Variants in HTR2A observed in about 807,000 individuals in gnomAD.
The protein encoded by HTR2A is 5-hydroxytryptamine receptor 2A, also known as 5-HT2 receptor.
A neutral mutation model predicts 31.0 loss-of-function variants in HTR2A; 14 were observed. That is an observed-to-expected ratio of 0.45 (90% CI 0.30 to 0.71). The LOEUF (loss-of-function observed/expected upper bound fraction) is 0.71, where lower values mean the gene tolerates loss of function less well. HTR2A is among the 30% of genes least tolerant of loss of function. HTR2A has a pLI of 0.09. For missense variants in HTR2A, 442 were observed against 573.3 expected, an observed-to-expected ratio of 0.77 and a Z score of 2.34; for synonymous variants, 209 against 225.2, an observed-to-expected ratio of 0.93 and a Z score of 0.64.
intron 3 of HTR2A, among the ~76,000 whole-genome samples, chr13:46,877,945 T>G (rs1257949467): frequency 6.6e-6 from 1 of 151,962 alleles, no homozygotes; most frequent in Non-Finnish European, 1.5e-5. Flanking sequence ...GATGGGAAAT[T>G]TATTGCAGCT....
intron 3 of HTR2A, among the ~76,000 whole-genome samples, 176 bp from the exon 4 acceptor site, chr13:46,835,815 TA>T (rs1876435421): frequency 6.6e-6 from 1 of 152,210 alleles, no homozygotes; most frequent in South Asian, 2.1e-4. Context: ...AAGTATATAT[TA>T]TGTAGTTACT....
rs111732453 is a variant in HTR2A, at chr13:46,871,602, C to A, written c.613+20788G>T. Among the ~76,000 whole-genome samples, 1,156 of 152,220 alleles carry A rather than the reference C, an allele frequency of 7.6e-3. 16 individuals are homozygous for A. The highest frequency in any genetic ancestry group is 0.027 in the African/African-American group (1,101 of 41,534). On this transcript the variant is annotated intron_variant, in intron 3 of 3. Transcript: ENST00000542664. Reference sequence around the variant, plus strand: ...TTAGTTTATTACACCAAGAACCAACCCAATTTCAAATAATTACAAAGTGTT... The same window carrying A: ...TTAGTTTATTACACCAAGAACCAACACAATTTCAAATAATTACAAAGTGTT...
intron 3 of HTR2A, among the ~76,000 whole-genome samples, chr13:46,863,814 C>T (rs990531478): frequency 1.3e-5 from 2 of 151,764 alleles, no homozygotes; most frequent in South Asian, 2.1e-4. Flanking sequence ...TATATACTGT[C>T]GGTGGGAGTG....
rs1296606919 is a variant in HTR2A at position 46,835,224 on chromosome 13, G to A, written c.1029C>T (p.Asn343=). 1 of 1,614,122 alleles carries A rather than the reference G, an allele frequency of 6.2e-7. No individual in the cohort carries two copies. Among genetic ancestry groups the A allele is most frequent in the Non-Finnish European group, 8.5e-7 (1 of 1,180,004 alleles). The change falls in exon 4 of 4, where the codon AAC becomes AAT. Residue 343 remains asparagine, a synonymous_variant. Transcript: ENST00000542664. The part of the protein sequence containing the change: ...VVMWCPFFIT[N]IMAVICKESC... ...ACTCTTTGCAGATGACGGCCATGATGTTTGTGATGAAGAAAGGGCACCACA... is the reference window on the plus strand; with the variant it reads ...ACTCTTTGCAGATGACGGCCATGATATTTGTGATGAAGAAAGGGCACCACA...
In HTR2A at chr13:46,895,382, A is replaced by C. The variant is rs958162594; in HGVS notation, c.412+113T>G. 2.2e-6 allele frequency: 2 copies of C among 925,042 alleles called. No individual in the cohort carries two copies. Among genetic ancestry groups the C allele is most frequent in the East Asian group, 2.6e-5 (1 of 38,034 alleles). The allele number at this position is 925,042 out of a possible 1,614,324, so 57.3% of individuals were successfully genotyped here. ...ACATAGTAGGCTCTAGTCTATAAAC[A>C]AAGACTTCTATTTATAGTTTGTTTG... On this transcript the variant is annotated intron_variant, in intron 2 of 3. Transcript: ENST00000542664. The surrounding 1 kb of genome is among the most constrained non-coding windows in gnomAD (Gnocchi z 4.4).
chr13:46,835,475 A>C lies in HTR2A; in HGVS notation c.778T>G (p.Ser260Ala), dbSNP rs1456886855. 1 of 1,614,054 alleles carries C rather than the reference A, an allele frequency of 6.2e-7. No individual in the cohort carries two copies. The highest frequency in any genetic ancestry group is 8.5e-7 in the Non-Finnish European group (1 of 1,179,982). The change falls in exon 4 of 4, where the codon TCA becomes GCA. Residue 260 changes from serine (S) to alanine (A), a missense_variant. Around this residue, in one of 5 missense-constraint regions of HTR2A, gnomAD observed 174 missense variants for 195.1 expected, o/e 0.89. Coordinates refer to ENST00000542664, the MANE Select transcript of HTR2A (RefSeq NM_000621.5). ...CACAAAGTAGCTTCTTTCTGGAGTG[A>C]CTTGATAGTTAGAAAGTAGGTGATC... is the stretch of plus-strand genomic sequence containing the variant. ...MVITYFLTIKSLQKEATLCVS... is the reference protein window; with the variant it reads ...MVITYFLTIKALQKEATLCVS...
rs1951100416 is a variant in HTR2A, at chr13:46,895,939, A to G, written c.-33T>C. 1 of 1,576,546 alleles carries G rather than the reference A, an allele frequency of 6.3e-7. No individual in the cohort carries two copies. The highest frequency in any genetic ancestry group is 8.6e-7 in the Non-Finnish European group (1 of 1,162,912). On this transcript the variant is annotated 5_prime_UTR_variant, in exon 2 of 4. Transcript: ENST00000542664. This position sits in a 1 kb window ranked among gnomAD's most constrained non-coding sequence, Gnocchi z 4.4. Reference sequence around the variant, plus strand: ...CCAGAACTTGTAGCAGATGAGGTGTAGAAGGACTAACAGGTTATAGTTTCT... The same window carrying G: ...CCAGAACTTGTAGCAGATGAGGTGTGGAAGGACTAACAGGTTATAGTTTCT...
At chr13:46,861,010 G>A (rs561942350) in intron 3 of HTR2A, among the ~76,000 whole-genome samples, 4 of 152,276 alleles carry the variant, frequency 2.6e-5, no homozygotes, top group Non-Finnish European at 5.9e-5. Flanking sequence ...AAACTGAAAA[G>A]GTTGATTACT....
At chr13:46,876,079 T>A (rs967361177) in intron 3 of HTR2A, among the ~76,000 whole-genome samples, 4 of 152,178 alleles carry the variant, frequency 2.6e-5, no homozygotes, top group African/African-American at 9.7e-5. Flanking sequence ...TATAAAAATA[T>A]CCTTTAAAGA....
chr13:46,896,026 C>A lies in HTR2A; in HGVS notation c.-120G>T. The A allele has an allele frequency of 7.0e-7, 1 of 1,438,656 alleles. No homozygotes were observed. The highest frequency in any genetic ancestry group is 9.1e-7 in the Non-Finnish European group (1 of 1,103,630). 89.1% of individuals were successfully genotyped at this position (1,438,656 alleles called of 1,614,324 possible). A position where few individuals can be genotyped will look rare whatever the true frequency, so the allele number is the denominator to read the frequency against. The stretch of plus-strand genomic sequence containing the variant: ...CACTGAGGCTGGTGTACATGCTGTT[C>A]TCCCGGGGCTGGATTTTTGTCTTCC... On this transcript the variant is annotated 5_prime_UTR_variant, in exon 2 of 4. An upstream open reading frame in the 5' UTR gains an earlier in-frame stop. Coordinates refer to ENST00000542664, the MANE Select transcript of HTR2A (RefSeq NM_000621.5).
intron 3 of HTR2A, among the ~76,000 whole-genome samples, chr13:46,879,788 T>C (rs2138238382): frequency 6.6e-6 from 1 of 152,280 alleles, no homozygotes; most frequent in East Asian, 1.9e-4. Flanking sequence ...GGAAGATTGC[T>C]TGAGCCAGGA....
At position 46,897,052 on chromosome 13, in the gene HTR2A, C is replaced by G. The variant is rs1414925596; in HGVS notation, c.-707G>C. 11 of 531,608 alleles carry G rather than the reference C, an allele frequency of 2.1e-5. No individual in the cohort carries two copies. The East Asian group carries it at 3.7e-4, about 18-fold the overall frequency. 32.9% of individuals were successfully genotyped at this position (531,608 alleles called of 1,614,324 possible). On this transcript the variant is annotated 5_prime_UTR_variant, in exon 1 of 4. Transcript: ENST00000542664. Reference sequence around the variant, plus strand: ...GTTTCCACGGGAATGGAGTAGCTCTCTGACTGTCTCGTTCATTTCATCAGA... The same window carrying G: ...GTTTCCACGGGAATGGAGTAGCTCTGTGACTGTCTCGTTCATTTCATCAGA...
At chr13:46,887,191 G>A (rs149485507) in intron 3 of HTR2A, among the ~76,000 whole-genome samples, 3,156 of 152,060 alleles carry the variant, frequency 0.021, 103 homozygotes, top group African/African-American at 0.072. Flanking sequence ...ATGCCGAGGC[G>A]GGCGGATCAT....
chr13:46,844,682 A>G (rs1950627358), intron 3 of HTR2A, among the ~76,000 whole-genome samples: 1 of 152,196 alleles, frequency 6.6e-6, no homozygotes, highest in Non-Finnish European at 1.5e-5. Context: ...ACAAGTATGT[A>G]TCAGCAAACT....
Position 46,895,661 on chromosome 13 carries a change from G to A in HTR2A, c.246C>T (p.Ala82=), listed in dbSNP as rs779991888. The A allele has an allele frequency of 1.1e-5, 17 of 1,614,006 alleles. No individual in the cohort carries two copies. The highest frequency in any genetic ancestry group is 1.3e-5 in the African/African-American group (1 of 74,908). The change falls in exon 2 of 4, where the codon GCC becomes GCT. Residue 82 remains alanine (A), a synonymous_variant. Transcript: ENST00000542664. The surrounding 1 kb of genome is among the most constrained non-coding windows in gnomAD (Gnocchi z 4.4). ...QEKNWSALLT[A]VVIILTIAGN... is the part of the protein sequence containing the mutation. ...CAGCAATAGTTAGAATAATCACTACGGCTGTCAGTAAAGCAGACCAGTTTT... is the reference window on the plus strand; with the variant it reads ...CAGCAATAGTTAGAATAATCACTACAGCTGTCAGTAAAGCAGACCAGTTTT...
At chr13:46,835,665 T>C in intron 3 of HTR2A, 26 bp from the exon 4 acceptor site, 1 of 1,548,388 alleles carries the variant, frequency 6.5e-7, no homozygotes, top group Non-Finnish European at 8.8e-7. Context: ...AAATGAAACA[T>C]GATTATTAAG....
chr13:46,881,458 G>A (rs1376628324), intron 3 of HTR2A, among the ~76,000 whole-genome samples: 1 of 152,156 alleles, frequency 6.6e-6, no homozygotes, highest in East Asian at 1.9e-4. Flanking sequence ...CTGGACCTCT[G>A]GGGAGGGAAA....
intron 3 of HTR2A, among the ~76,000 whole-genome samples, chr13:46,855,730 T>A (rs1950730980): frequency 6.6e-6 from 1 of 152,170 alleles, no homozygotes; most frequent in South Asian, 2.1e-4. Flanking sequence ...CCCCCAAAAA[T>A]TCAATCTCAA....
At chr13:46,860,987 T>C (rs1402977584) in intron 3 of HTR2A, among the ~76,000 whole-genome samples, 1 of 152,148 alleles carries the variant, frequency 6.6e-6, no homozygotes, top group Non-Finnish European at 1.5e-5. Flanking sequence ...CAGATATATA[T>C]CTCTTAATCA....
Sources: allele counts gnomAD v4.1 joint callset (sites outside exome capture counted in the v4.1 genomes callset), GRCh38; gene constraint gnomAD v4.1.1; regional missense constraint gnomAD v4.1.1; non-coding constraint Gnocchi (gnomAD v3.1); transcripts MANE v1.5; gene names NCBI Gene and HGNC (gene_info 2026-07-23, HGNC 2026-07-21).